Variants in ZNF407 observed in about 807,000 individuals in gnomAD.
ZNF407 encodes zinc finger protein 407.
Under a neutral mutation model 131.2 loss-of-function variants are expected in ZNF407, and 17 were observed. That is an observed-to-expected ratio of 0.13 (90% CI 0.09 to 0.19). The LOEUF (loss-of-function observed/expected upper bound fraction) is 0.19, where lower values mean the gene tolerates loss of function less well. Among genes scored for constraint, ZNF407 ranks in the 10% least tolerant of loss-of-function variants. The probability of loss-of-function intolerance (pLI) is 1.00; values close to 1 mark genes in which losing one functional copy is unlikely to be tolerated. For synonymous variants in ZNF407, 1,156 were observed against 1,062.0 expected (o/e 1.09, Z -1.72); for missense variants, 2,681 against 2,830.6 (o/e 0.95, Z 1.20).
chr18:74,664,420 G>A (rs2144737634), intron 3 of ZNF407, among the ~76,000 whole-genome samples: 1 of 152,266 alleles, frequency 6.6e-6, no homozygotes, highest in South Asian at 2.1e-4. Context: ...ACTTGAACCA[G>A]GGAGGCGGAG....
chr18:74,829,563 G>T (rs1970454440), intron 4 of ZNF407, among the ~76,000 whole-genome samples: 1 of 152,152 alleles, frequency 6.6e-6, no homozygotes, highest in Non-Finnish European at 1.5e-5. Flanking sequence ...CAGAGATTTA[G>T]TGTTTTGAGT....
At chr18:74,622,758 ATATT>A (rs1036414227) in intron 1 of ZNF407, among the ~76,000 whole-genome samples, 13 of 151,116 alleles carry the variant, frequency 8.6e-5, no homozygotes, top group African/African-American at 2.7e-4. Flanking sequence ...GTGTGAATGA[ATATT>A]TGTGTGTGAG....
At chr18:74,760,183 T>C (rs1969063473) in intron 3 of ZNF407, among the ~76,000 whole-genome samples, 1 of 152,180 alleles carries the variant, frequency 6.6e-6, no homozygotes, top group Admixed American at 6.6e-5. Flanking sequence ...CTTTGAAAAG[T>C]GGAAGACACA....
Position 74,697,276 on chromosome 18 carries a change from G to A in ZNF407, c.4802+56154G>A, listed in dbSNP as rs138289720. Among the ~76,000 whole-genome samples the A allele has an allele frequency of 8.1e-3, 1,234 of 152,244 alleles. 15 individuals are homozygous for A. The highest frequency in any genetic ancestry group is 0.028 in the African/African-American group (1,170 of 41,542). On this transcript the variant is annotated intron_variant, in intron 3 of 8. Coordinates refer to ENST00000299687, the MANE Select transcript of ZNF407 (RefSeq NM_017757.3). ...GTTGTATTTCCTCCTGTGCTCCTAT[G>A]AGGAGAATATATATCCTTTGGCACA...
chr18:74,859,277 A>G (rs1970903722), intron 4 of ZNF407, among the ~76,000 whole-genome samples: 1 of 152,216 alleles, frequency 6.6e-6, no homozygotes, highest in Non-Finnish European at 1.5e-5. Flanking sequence ...GTGATTCCCA[A>G]AACTGTTTCT....
At chr18:74,797,918 C>T (rs1219734597) in intron 4 of ZNF407, among the ~76,000 whole-genome samples, 1 of 151,244 alleles carries the variant, frequency 6.6e-6, no homozygotes, top group African/African-American at 2.4e-5. Flanking sequence ...AATAATGATG[C>T]ACTAGTAATC....
chr18:74,661,615 T>A (rs11151102), intron 3 of ZNF407, among the ~76,000 whole-genome samples: 62,587 of 151,858 alleles, frequency 0.41, 15,660 homozygotes, highest in East Asian at 0.56. Context: ...CACATTTTTT[T>A]AGGCTAAACA....
At position 74,638,511 on chromosome 18, in the gene ZNF407, A is replaced by G. The variant is rs1984563781; in HGVS notation, c.4688-2497A>G. 3.3e-5 allele frequency among the ~76,000 whole-genome samples: 5 copies of G among 152,212 alleles called. 1 individual carries two copies. Among genetic ancestry groups the G allele is most frequent in the Admixed American group, 3.3e-4 (5 of 15,282 alleles). ...GGCTTTCATTTGGTATTTTCTCTTT[A>G]ATGCTAATGGCACATCTGTGTATGC... is the stretch of plus-strand genomic sequence containing the variant. On this transcript the variant is annotated intron_variant, in intron 2 of 8. Transcript: ENST00000299687.
At chr18:74,907,195 T>C (rs569322315) in intron 7 of ZNF407, among the ~76,000 whole-genome samples, 1 of 152,334 alleles carries the variant, frequency 6.6e-6, no homozygotes, top group African/African-American at 2.4e-5. Context: ...TAAGGTTGAA[T>C]GCCCAGATAG....
At chr18:74,757,053 GGATTTGTT>G (rs1968980747) in intron 3 of ZNF407, among the ~76,000 whole-genome samples, 1 of 151,506 alleles carries the variant, frequency 6.6e-6, no homozygotes, top group South Asian at 2.1e-4. Flanking sequence ...ACTAATTTTT[GGATTTGTT>G]GATATTGCCT....
intron 4 of ZNF407, among the ~76,000 whole-genome samples, chr18:74,847,398 C>T (rs1303431919): frequency 6.6e-6 from 1 of 152,164 alleles, no homozygotes; most frequent in Non-Finnish European, 1.5e-5. Context: ...TCCTCTAAGA[C>T]CTCTTCCCAC....
chr18:75,037,263 G>C (rs1332751821), intron 8 of ZNF407, among the ~76,000 whole-genome samples: 1 of 152,178 alleles, frequency 6.6e-6, no homozygotes, highest in African/African-American at 2.4e-5. Flanking sequence ...ATGATCTAGA[G>C]ATAATGTAAA....
At chr18:74,690,398 C>T (rs1459472607) in intron 3 of ZNF407, among the ~76,000 whole-genome samples, 2 of 151,052 alleles carry the variant, frequency 1.3e-5, no homozygotes, top group African/African-American at 4.8e-5. Context: ...AAAGAGAAAA[C>T]ATTTTGGGGG....
At chr18:75,034,397 G>A (rs184280305) in intron 8 of ZNF407, among the ~76,000 whole-genome samples, 37 of 143,566 alleles carry the variant, frequency 2.6e-4, no homozygotes, top group Non-Finnish European at 3.0e-4. Context: ...TCCGCCTCCC[G>A]GGTTCATGCC....
chr18:74,823,259 A>G (rs754149755), intron 4 of ZNF407, among the ~76,000 whole-genome samples: 14 of 152,224 alleles, frequency 9.2e-5, no homozygotes, highest in Non-Finnish European at 2.1e-4. Context: ...GCAAAAACAT[A>G]GGAAATTGTA....
rs145104175 is a variant in ZNF407 at position 74,687,453 on chromosome 18, C to T, written c.4802+46331C>T. On this transcript the variant is annotated intron_variant, in intron 3 of 8. Transcript: ENST00000299687. ...GGAAGGAGCTGGGAAGCGCAGGTGG[C>T]GGATGGATGGCTGCAGGCAGAGTGG... Among the ~76,000 whole-genome samples, 394 of 152,100 alleles carry T rather than the reference C, an allele frequency of 2.6e-3. 1 individual carries two copies. The highest frequency in any genetic ancestry group is 9.1e-3 in the African/African-American group (376 of 41,504).
In ZNF407 at chr18:74,880,635, G is replaced by A. The variant is rs562803611; in HGVS notation, c.5045-401G>A. ...GGAAAATTCAATCTGTTTTCTTTAA[G>A]CAGAACCATATATACTGTATATTAA... On this transcript the variant is annotated intron_variant, in intron 5 of 8. Transcript: ENST00000299687. 2.6e-5 allele frequency among the ~76,000 whole-genome samples: 4 copies of A among 152,278 alleles called. No individual in the cohort carries two copies. The South Asian group carries it at 8.3e-4, about 32-fold the overall frequency.
intron 8 of ZNF407, among the ~76,000 whole-genome samples, chr18:74,945,601 AT>A (rs1348803423): frequency 6.6e-6 from 1 of 152,196 alleles, no homozygotes; most frequent in East Asian, 1.9e-4. Context: ...CCTTGACAGT[AT>A]GAAATATTTT....
intron 8 of ZNF407, among the ~76,000 whole-genome samples, chr18:75,010,956 G>A (rs1972967454): frequency 6.6e-6 from 1 of 152,088 alleles, no homozygotes; most frequent in Non-Finnish European, 1.5e-5. Context: ...CAGAGGATGT[G>A]GCATCTCCAA....
Sources: allele counts gnomAD v4.1 joint callset (sites outside exome capture counted in the v4.1 genomes callset), GRCh38; gene constraint gnomAD v4.1.1; transcripts MANE v1.5; gene names NCBI Gene and HGNC (gene_info 2026-07-23, HGNC 2026-07-21).